PCDHGB2: variants seen among roughly 807,000 people sequenced by gnomAD.
The protein encoded by PCDHGB2 is protocadherin gamma subfamily B, 2, also known as protocadherin gamma-B2.
In PCDHGB2, 55 loss-of-function variants were observed where a neutral mutation model predicts 59.3. The ratio of observed to expected loss-of-function variants is 0.93; its 90% CI spans 0.75 to 1.16. The LOEUF (loss-of-function observed/expected upper bound fraction) is 1.16, where lower values mean the gene tolerates loss of function less well. PCDHGB2 is among the 50% of genes most tolerant of loss of function. The pLI is 0.00. For missense variants in PCDHGB2, 1,228 were observed against 1,198.5 expected (o/e 1.02, Z -0.36); for synonymous variants, 516 against 512.0 (o/e 1.01, Z -0.11).
chr5:141,498,009 C>A (rs1160103624), intron 2 of PCDHGB2, among the ~76,000 whole-genome samples: 1 of 152,146 alleles, frequency 6.6e-6, no homozygotes, highest in Non-Finnish European at 1.5e-5. Context: ...TTACAGTGCA[C>A]TGAAGGAGAC....
At chr5:141,398,009 C>A (rs1589315775) in intron 1 of PCDHGB2, 6 of 1,400,558 alleles carry the variant, frequency 4.3e-6, no homozygotes, top group East Asian at 5.1e-5. Flanking sequence ...GAAAAAGAAT[C>A]GTTTCCTAAA....
At chr5:141,422,415 A>C (rs1330043187) in intron 1 of PCDHGB2, 1 of 1,604,786 alleles carries the variant, frequency 6.2e-7, no homozygotes, top group Admixed American at 1.7e-5. Flanking sequence ...TTAAATTAGA[A>C]AAGACTTATG....
chr5:141,385,638 T>C lies in PCDHGB2; in HGVS notation c.2421+23082T>C, dbSNP rs773812795. 80 of 831,646 alleles carry C rather than the reference T, an allele frequency of 9.6e-5. 1 individual carries two copies. Among genetic ancestry groups the C allele is most frequent in the Non-Finnish European group, 1.2e-4 (78 of 652,914 alleles). 51.5% of individuals were successfully genotyped at this position (831,646 alleles called of 1,614,324 possible). A position where few individuals can be genotyped will look rare whatever the true frequency, so the allele number is the denominator to read the frequency against. ...TATACATTGGAATGAATCGAGTCTT[T>C]CATATTGCACAAGGTTAGCAGGAAT... is the stretch of plus-strand genomic sequence containing the variant. On this transcript the variant is annotated intron_variant, in intron 1 of 3. Transcript: ENST00000522605.
At position 141,486,691 on chromosome 5, in the gene PCDHGB2, T is replaced by C. The variant is rs778748447; in HGVS notation, c.2422-8116T>C. 8 of 1,614,024 alleles carry C rather than the reference T, an allele frequency of 5.0e-6. No individual in the cohort carries two copies. The highest frequency in any genetic ancestry group is 1.3e-5 in the African/African-American group (1 of 74,922). The stretch of plus-strand genomic sequence containing the variant: ...GGAATCGAGATGTATCAGCTTCCTC[T>C]TTCATCTCTCTGAACCCCCAGACAG... On this transcript the variant is annotated intron_variant, in intron 1 of 3. Coordinates refer to ENST00000522605, the MANE Select transcript of PCDHGB2 (RefSeq NM_018923.3). The surrounding 1 kb of genome is among the most constrained non-coding windows in gnomAD (Gnocchi z 5.0).
chr5:141,431,617 C>A lies in PCDHGB2; in HGVS notation c.2422-63190C>A. ...GGTATTCCTTCCGGTATGTGGACGA[C>A]AAGGCGGCCCAAGTTTTCAAACTAG... On this transcript the variant is annotated intron_variant, in intron 1 of 3. Coordinates refer to ENST00000522605, the MANE Select transcript of PCDHGB2 (RefSeq NM_018923.3). This position sits in a 1 kb window ranked among gnomAD's most constrained non-coding sequence, Gnocchi z 4.8. 6.2e-7 allele frequency: 1 copy of A among 1,614,236 alleles called. No homozygotes were observed. Among genetic ancestry groups the A allele is most frequent in the Non-Finnish European group, 8.5e-7 (1 of 1,180,044 alleles).
At chr5:141,418,742 G>GA in intron 1 of PCDHGB2, 1 of 1,613,896 alleles carries the variant, frequency 6.2e-7, no homozygotes, top group Non-Finnish European at 8.5e-7. Flanking sequence ...GTTCTCTCTG[G>GA]ATTACACTAC....
chr5:141,384,102 T>C, intron 1 of PCDHGB2: 1 of 1,599,484 alleles, frequency 6.3e-7, no homozygotes, highest in Non-Finnish European at 8.5e-7. Context: ...TAGATAATTA[T>C]TATAGATTGG....
intron 1 of PCDHGB2, chr5:141,389,112 C>A (rs376966829): frequency 1.5e-5 from 25 of 1,613,966 alleles, no homozygotes; most frequent in Non-Finnish European, 2.0e-5. Context: ...TGTTCTAGAC[C>A]GCGAGCAGAA....
chr5:141,470,459 A>T (rs59770804), intron 1 of PCDHGB2, among the ~76,000 whole-genome samples: 32,627 of 152,034 alleles, frequency 0.21, 3,610 homozygotes, highest in African/African-American at 0.27. Context: ...CTTGAATAGG[A>T]TTTTCTGATA....
intron 1 of PCDHGB2, chr5:141,399,349 C>G: frequency 6.2e-7 from 1 of 1,613,932 alleles, no homozygotes; most frequent in Non-Finnish European, 8.5e-7. Context: ...AACCCTAGAC[C>G]GAGAGCAAAC....
intron 2 of PCDHGB2, among the ~76,000 whole-genome samples, chr5:141,495,223 G>T (rs924599140): frequency 6.6e-6 from 1 of 152,208 alleles, no homozygotes; most frequent in South Asian, 2.1e-4. Flanking sequence ...CCTGAGTTGA[G>T]CTGGGCTCCA....
intron 3 of PCDHGB2, among the ~76,000 whole-genome samples, chr5:141,505,766 C>T (rs1420683619): frequency 2.0e-5 from 3 of 151,768 alleles, no homozygotes; most frequent in African/African-American, 4.8e-5. Context: ...CAGTGTAGCT[C>T]AGGTCCTAGC....
Position 141,489,087 on chromosome 5 carries a change from TGA to T in PCDHGB2, c.2422-5719_2422-5718del. The T allele has an allele frequency of 4.6e-6, 1 of 216,098 alleles. No individual in the cohort carries two copies. 13.4% of individuals were successfully genotyped at this position (216,098 alleles called of 1,614,324 possible). ...CCCCCTGCCCACCCCCGCCACTCGGTGACTAAGAACTGCTGCAAGCAGGCAAA... is the reference window on the plus strand; with the variant it reads ...CCCCCTGCCCACCCCCGCCACTCGGTCTAAGAACTGCTGCAAGCAGGCAAA... On this transcript the variant is annotated intron_variant, in intron 1 of 3. Transcript: ENST00000522605. The surrounding 1 kb of genome is among the most constrained non-coding windows in gnomAD (Gnocchi z 4.5).
chr5:141,510,880 G>T (rs373993657), intron 3 of PCDHGB2, 67 bp from the exon 4 acceptor site: 1 of 1,611,902 alleles, frequency 6.2e-7, no homozygotes. Context: ...AACTGCTGGG[G>T]ATATAAGACA....
At chr5:141,400,000 G>A (rs765622041) in intron 1 of PCDHGB2, 1 of 1,612,388 alleles carries the variant, frequency 6.2e-7, no homozygotes, top group Non-Finnish European at 8.5e-7. Context: ...GGTGCGCACA[G>A]CGCGTGCCTT....
intron 1 of PCDHGB2, among the ~76,000 whole-genome samples, chr5:141,459,789 G>A (rs960868607): frequency 6.6e-6 from 1 of 152,206 alleles, no homozygotes; most frequent in Non-Finnish European, 1.5e-5. Context: ...AGTTTCAACT[G>A]TTTTTCCCTG....
chr5:141,477,777 A>G lies in PCDHGB2; in HGVS notation c.2422-17030A>G, dbSNP rs775845004. ...GTCCTAGCCACCAACATCAGCGTGA[A>G]CATATTTGTCACTGATCGCAATGAC... is the stretch of plus-strand genomic sequence containing the variant. On this transcript the variant is annotated intron_variant, in intron 1 of 3. Transcript: ENST00000522605. The surrounding 1 kb of genome is among the most constrained non-coding windows in gnomAD (Gnocchi z 4.9). The G allele has an allele frequency of 1.9e-4, 299 of 1,613,944 alleles. No homozygotes were observed. Among genetic ancestry groups the G allele is most frequent in the Non-Finnish European group, 2.5e-4 (295 of 1,180,048 alleles).
At chr5:141,375,521 G>A in intron 1 of PCDHGB2, 1 of 1,613,994 alleles carries the variant, frequency 6.2e-7, no homozygotes, top group Non-Finnish European at 8.5e-7. Context: ...ACTGGACCCT[G>A]ACGTGGACCA....
intron 1 of PCDHGB2, among the ~76,000 whole-genome samples, chr5:141,458,336 GA>G (rs762646440): frequency 1.3e-5 from 2 of 152,118 alleles, no homozygotes; most frequent in Non-Finnish European, 2.9e-5. Context: ...TGGTTTTAAG[GA>G]GTGGAGAGTT....
Sources: allele counts gnomAD v4.1 joint callset (sites outside exome capture counted in the v4.1 genomes callset), GRCh38; gene constraint gnomAD v4.1.1; non-coding constraint Gnocchi (gnomAD v3.1); transcripts MANE v1.5; gene names NCBI Gene and HGNC (gene_info 2026-07-23, HGNC 2026-07-21).